APOO: variants seen among roughly 807,000 people sequenced by gnomAD.
APOO encodes apolipoprotein O.
A neutral mutation model predicts 23.1 loss-of-function variants in APOO; 11 were observed. That is an observed-to-expected ratio of 0.48 (90% CI 0.30 to 0.79). The LOEUF (loss-of-function observed/expected upper bound fraction) is 0.79. Ranked by LOEUF, APOO falls within the 30% of genes least tolerant of loss-of-function variation. The probability of loss-of-function intolerance (pLI) is 0.07; values close to 1 mark genes in which losing one functional copy is unlikely to be tolerated. For missense variants in APOO, 160 were observed against 142.7 expected, an observed-to-expected ratio of 1.12 and a Z score of -0.62; for synonymous variants, 59 against 54.8, an observed-to-expected ratio of 1.08 and a Z score of -0.34.
intron 4 of APOO, among the ~76,000 whole-genome samples, chrX:23,869,939 G>A (rs1207119676): frequency 1.9e-5 from 2 of 104,497 alleles, no homozygotes; most frequent in Non-Finnish European, 3.9e-5. Context: ...GTGACAGAGC[G>A]AGACTCCTTC....
intron 6 of APOO, among the ~76,000 whole-genome samples, chrX:23,858,091 T>C (rs930217724): frequency 1.6e-4 from 18 of 110,817 alleles, no homozygotes; most frequent in African/African-American, 5.9e-4. Context: ...GCCACCGTGA[T>C]AGACCTGCTT....
intron 2 of APOO, among the ~76,000 whole-genome samples, chrX:23,880,201 T>C (rs1470098539): frequency 9.0e-6 from 1 of 110,791 alleles, no homozygotes; most frequent in Non-Finnish European, 1.9e-5. Flanking sequence ...AGAATCAAGA[T>C]AAGCCAAGAA....
chrX:23,844,198 C>T (rs1195272315), intron 7 of APOO, among the ~76,000 whole-genome samples: 2 of 111,806 alleles, frequency 1.8e-5, no homozygotes, highest in Non-Finnish European at 3.8e-5. Context: ...ATTATCTATC[C>T]TATATGGCAG....
intron 1 of APOO, chrX:23,883,513 C>T (rs1179971128): frequency 9.0e-6 from 1 of 111,577 alleles, no homozygotes; most frequent in African/African-American, 3.3e-5. Flanking sequence ...CCCCTTCTGG[C>T]TCCGTTTCCA....
intron 6 of APOO, among the ~76,000 whole-genome samples, chrX:23,857,989 T>C (rs926479842): frequency 2.1e-4 from 23 of 111,465 alleles, no homozygotes; most frequent in Admixed American, 1.6e-3. Flanking sequence ...GCCTGAGAGT[T>C]TGCATTTCTA....
At chrX:23,880,984 A>C (rs1388043591) in intron 1 of APOO, 32 bp from the exon 2 acceptor site, 2 of 1,028,710 alleles carry the variant, frequency 1.9e-6, no homozygotes, top group Non-Finnish European at 2.6e-6. Flanking sequence ...AAACCTCTCT[A>C]TGTTACAGAC....
chrX:23,894,231 G>A (rs1236633582), intron 1 of APOO, among the ~76,000 whole-genome samples: 5 of 107,727 alleles, frequency 4.6e-5, no homozygotes, highest in East Asian at 2.9e-4. Context: ...TGGAACCTCC[G>A]CCTCCCGGGT....
At chrX:23,870,382 A>T (rs1925554166) in intron 4 of APOO, among the ~76,000 whole-genome samples, 1 of 111,873 alleles carries the variant, frequency 8.9e-6, no homozygotes, top group Non-Finnish European at 1.9e-5. Context: ...ATTCAGGTGT[A>T]TATCTGGTGT....
chrX:23,900,445 G>A (rs1927078719), intron 1 of APOO, among the ~76,000 whole-genome samples: 1 of 110,420 alleles, frequency 9.1e-6, no homozygotes, highest in Non-Finnish European at 1.9e-5. Flanking sequence ...AGGCCAAGGA[G>A]GGCAGATCAC....
intron 2 of APOO, among the ~76,000 whole-genome samples, chrX:23,879,853 C>T (rs1378630824): frequency 1.6e-4 from 18 of 111,241 alleles, no homozygotes. Context: ...CTCAAAAATG[C>T]CACTGTGCCA....
chrX:23,845,217 AAAAG>A (rs1184779141), intron 7 of APOO, among the ~76,000 whole-genome samples: 4 of 112,333 alleles, frequency 3.6e-5, no homozygotes, highest in Non-Finnish European at 7.5e-5. Flanking sequence ...GGTGTTTTTA[AAAAG>A]AAAGAAAAAA....
chrX:23,888,809 C>T (rs1926487865), intron 1 of APOO, among the ~76,000 whole-genome samples: 1 of 100,795 alleles, frequency 9.9e-6, no homozygotes, highest in African/African-American at 3.7e-5. Context: ...AAAATTATAC[C>T]TCTGCACTCC....
Position 23,867,566 on chromosome X carries a change from G to A in APOO, c.388+1027C>T, listed in dbSNP as rs752263662. Among the ~76,000 whole-genome samples the A allele has an allele frequency of 8.1e-5, 9 of 110,784 alleles. No individual in the cohort carries two copies. In the East Asian group the frequency reaches 2.6e-3, roughly 31 times the overall value. Reference sequence around the variant, plus strand: ...ACCTCTTTTTTTTTTCTTTTGAGACGGAGTCTCGCACTGTCGCCCAGGCTG... The same window carrying A: ...ACCTCTTTTTTTTTTCTTTTGAGACAGAGTCTCGCACTGTCGCCCAGGCTG... On this transcript the variant is annotated intron_variant, in intron 5 of 8. Transcript: ENST00000379226.
At chrX:23,836,164 T>C (rs1169528186) in intron 8 of APOO, among the ~76,000 whole-genome samples, 1 of 112,830 alleles carries the variant, frequency 8.9e-6, no homozygotes, top group Non-Finnish European at 1.9e-5. Flanking sequence ...GGAGTCTCTC[T>C]CTGTTGCCCA....
At chrX:23,877,773 C>CAA (rs753379740) in intron 3 of APOO, among the ~76,000 whole-genome samples, 1 of 46,202 alleles carries the variant, frequency 2.2e-5, no homozygotes, top group Non-Finnish European at 4.2e-5. Flanking sequence ...GACTCCCTCT[C>CAA]AAAAAAAAAA....
At chrX:23,850,992 T>A (rs1227024616) in intron 7 of APOO, among the ~76,000 whole-genome samples, 1 of 111,373 alleles carries the variant, frequency 9.0e-6, no homozygotes, top group East Asian at 2.8e-4. Flanking sequence ...AATATGTATA[T>A]TTAGACTTAA....
intron 3 of APOO, among the ~76,000 whole-genome samples, chrX:23,876,169 CAGG>C (rs1041064623): frequency 2.0e-4 from 22 of 110,607 alleles, no homozygotes; most frequent in Middle Eastern, 4.6e-3. Context: ...GAGGCTGAGG[CAGG>C]AGAATGGCGT....
chrX:23,857,222 A>C (rs1338755050), intron 6 of APOO, among the ~76,000 whole-genome samples: 9 of 101,872 alleles, frequency 8.8e-5, no homozygotes, highest in African/African-American at 3.4e-4. Flanking sequence ...GCACATGTAC[A>C]CCTAACGCTA....
At chrX:23,841,464 G>A (rs1305748795) in intron 7 of APOO, among the ~76,000 whole-genome samples, 1 of 99,682 alleles carries the variant, frequency 1.0e-5, no homozygotes, top group Admixed American at 1.1e-4. Context: ...AGACCAGCTT[G>A]GGCAACATAG....
Sources: gnomAD v4.1 joint callset for allele counts (sites outside exome capture counted in the v4.1 genomes callset) on GRCh38, gnomAD v4.1.1 for gene constraint, MANE v1.5 for transcripts, NCBI Gene and HGNC (gene_info 2026-07-23, HGNC 2026-07-21) for gene names.